MAP2K5: variants seen among roughly 807,000 people sequenced by gnomAD.
The protein encoded by MAP2K5 is dual specificity mitogen-activated protein kinase kinase 5.
Under a neutral mutation model 83.1 loss-of-function variants are expected in MAP2K5, and 49 were observed. The observed-to-expected ratio is 0.59, with a 90% CI of 0.47 to 0.75. The LOEUF (loss-of-function observed/expected upper bound fraction) is 0.75. MAP2K5 is among the 30% of genes least tolerant of loss of function. MAP2K5 has a pLI of 0.00. For synonymous variants in MAP2K5, 202 were observed against 191.8 expected, an observed-to-expected ratio of 1.05 and a Z score of -0.44; for missense variants, 457 against 557.5, an observed-to-expected ratio of 0.82 and a Z score of 1.82.
intron 12 of MAP2K5, among the ~76,000 whole-genome samples, chr15:67,663,409 G>C (rs957631122): frequency 3.9e-5 from 6 of 152,074 alleles, no homozygotes; most frequent in Non-Finnish European, 7.4e-5. Context: ...ACATTGCCCA[G>C]TACTTTGATT....
chr15:67,678,584 A>C (rs925990326), intron 13 of MAP2K5, among the ~76,000 whole-genome samples: 1 of 152,256 alleles, frequency 6.6e-6, no homozygotes, highest in Admixed American at 6.5e-5. Flanking sequence ...GGTCACAACA[A>C]AAAGGGAATC....
intron 8 of MAP2K5, among the ~76,000 whole-genome samples, chr15:67,615,450 T>C (rs2086035306): frequency 6.6e-6 from 1 of 152,202 alleles, no homozygotes; most frequent in African/African-American, 2.4e-5. Context: ...GGATTTCCTG[T>C]TTTAACAGCT....
In MAP2K5 at chr15:67,759,000, G is replaced by A. The variant is rs945936429; in HGVS notation, c.1134+10399G>A. On this transcript the variant is annotated intron_variant, in intron 19 of 21. Coordinates refer to ENST00000178640, the MANE Select transcript of MAP2K5 (RefSeq NM_145160.3). This position sits in a 1 kb window ranked among gnomAD's most constrained non-coding sequence, Gnocchi z 4.7. Reference sequence around the variant, plus strand: ...AGTTTTGCTGTCTATATGAATGACCGCACATCTTTCAGTTAATTGAATTCT... The same window carrying A: ...AGTTTTGCTGTCTATATGAATGACCACACATCTTTCAGTTAATTGAATTCT... Among the ~76,000 whole-genome samples the A allele has an allele frequency of 3.3e-5, 5 of 152,176 alleles. No individual in the cohort carries two copies. The highest frequency in any genetic ancestry group is 6.5e-5 in the Admixed American group (1 of 15,282).
At chr15:67,728,566 G>A (rs1022419684) in intron 17 of MAP2K5, among the ~76,000 whole-genome samples, 1 of 152,170 alleles carries the variant, frequency 6.6e-6, no homozygotes, top group East Asian at 1.9e-4. Context: ...GTTTGAAAAT[G>A]ATTCCCCAGT....
chr15:67,769,588 T>C lies in MAP2K5; in HGVS notation c.1135-14T>C. The C allele has an allele frequency of 6.2e-7, 1 of 1,613,396 alleles. No homozygotes were observed. On this transcript the variant is annotated splice_polypyrimidine_tract_variant and intron_variant, in intron 19 of 21. Transcript: ENST00000178640. This position sits in a 1 kb window ranked among gnomAD's most constrained non-coding sequence, Gnocchi z 5.2. ...TGTTGTGACTTTTGGTGACATGTTTTTCCTCCATCACAGGATTCGCCCGTC... is the reference window on the plus strand; with the variant it reads ...TGTTGTGACTTTTGGTGACATGTTTCTCCTCCATCACAGGATTCGCCCGTC...
rs544245462 is a variant in MAP2K5 at position 67,757,709 on chromosome 15, C to T, written c.1134+9108C>T. Among the ~76,000 whole-genome samples the T allele has an allele frequency of 4.6e-5, 7 of 151,996 alleles. No individual in the cohort carries two copies. Among genetic ancestry groups the T allele is most frequent in the East Asian group, 1.9e-4 (1 of 5,186 alleles). Reference sequence around the variant, plus strand: ...TAAACTGCAGGTAATGTAAGTGATACGAGACTTGATGGCCTGGGCTCTCGG... The same window carrying T: ...TAAACTGCAGGTAATGTAAGTGATATGAGACTTGATGGCCTGGGCTCTCGG... On this transcript the variant is annotated intron_variant, in intron 19 of 21. Transcript: ENST00000178640. This position sits in a 1 kb window ranked among gnomAD's most constrained non-coding sequence, Gnocchi z 4.9.
rs560601380 is a variant in MAP2K5 at position 67,690,830 on chromosome 15, G to C, written c.848-1649G>C. ...ATTACATGCGTGAGCCACTGCTCCC[G>C]GCCATGTATTAGTAAATTTAATGTA... On this transcript the variant is annotated intron_variant, in intron 13 of 21. Coordinates refer to ENST00000178640, the MANE Select transcript of MAP2K5 (RefSeq NM_145160.3). This position sits in a 1 kb window ranked among gnomAD's most constrained non-coding sequence, Gnocchi z 4.3. Among the ~76,000 whole-genome samples, 10 of 152,036 alleles carry C rather than the reference G, an allele frequency of 6.6e-5. No homozygotes were observed. The highest frequency in any genetic ancestry group is 1.0e-4 in the Non-Finnish European group (7 of 68,006).
Position 67,785,044 on chromosome 15 carries a change from ATCC to A in MAP2K5, c.1242+12297_1242+12299del, listed in dbSNP as rs1455350242. Among the ~76,000 whole-genome samples the A allele has an allele frequency of 6.6e-6, 1 of 152,100 alleles. No individual in the cohort carries two copies. Among genetic ancestry groups the A allele is most frequent in the African/African-American group, 2.4e-5 (1 of 41,412 alleles). On this transcript the variant is annotated intron_variant, in intron 21 of 21. Coordinates refer to ENST00000178640, the MANE Select transcript of MAP2K5 (RefSeq NM_145160.3). The surrounding 1 kb of genome is among the most constrained non-coding windows in gnomAD (Gnocchi z 4.4). ...AGCCTCAATCTCCCAGGCTCAGGTG[ATCC>A]TCCTACCTCAGCACCCGCCCTTCCT...
In MAP2K5 at chr15:67,690,619, T is replaced by C. The variant is rs2088083386; in HGVS notation, c.848-1860T>C. Among the ~76,000 whole-genome samples the C allele has an allele frequency of 1.3e-5, 2 of 151,724 alleles. No individual in the cohort carries two copies. Among genetic ancestry groups the C allele is most frequent in the Admixed American group, 1.3e-4 (2 of 15,228 alleles). Reference sequence around the variant, plus strand: ...CACCATCTCAGCTCACTGCAACCTCTGTTTCCCAGGTTGAAGCAATTCTCC... The same window carrying C: ...CACCATCTCAGCTCACTGCAACCTCCGTTTCCCAGGTTGAAGCAATTCTCC... On this transcript the variant is annotated intron_variant, in intron 13 of 21. Transcript: ENST00000178640. The surrounding 1 kb of genome is among the most constrained non-coding windows in gnomAD (Gnocchi z 4.3).
Position 67,738,502 on chromosome 15 carries a change from T to C in MAP2K5, c.1075-9729T>C, listed in dbSNP as rs1013761709. Among the ~76,000 whole-genome samples the C allele has an allele frequency of 1.3e-5, 2 of 152,212 alleles. No individual in the cohort carries two copies. Among genetic ancestry groups the C allele is most frequent in the Non-Finnish European group, 2.9e-5 (2 of 68,032 alleles). On this transcript the variant is annotated intron_variant, in intron 17 of 21. Transcript: ENST00000178640. The surrounding 1 kb of genome is among the most constrained non-coding windows in gnomAD (Gnocchi z 4.1). ...GACAAATTAAGTCACTGACAGTATA[T>C]GATTTCTACCCAAACATACGCACAG... is the stretch of plus-strand genomic sequence containing the variant.
intron 1 of MAP2K5, chr15:67,549,337 A>G (rs1017766347): frequency 6.8e-5 from 52 of 761,470 alleles, no homozygotes; most frequent in Non-Finnish European, 1.1e-4. Flanking sequence ...TGTAGGCTAG[A>G]TTAACTTTAT....
chr15:67,650,920 A>T (rs536244695), intron 11 of MAP2K5, among the ~76,000 whole-genome samples: 27 of 152,250 alleles, frequency 1.8e-4, no homozygotes, highest in Non-Finnish European at 2.6e-4. Flanking sequence ...TTCTTTTTTT[A>T]AAACATTTTA....
chr15:67,771,731 T>G (rs2090146074), intron 20 of MAP2K5, among the ~76,000 whole-genome samples: 1 of 152,242 alleles, frequency 6.6e-6, no homozygotes, highest in Non-Finnish European at 1.5e-5. Flanking sequence ...CTCCGATTCT[T>G]GTTTACCAAA....
chr15:67,748,650 T>A lies in MAP2K5; in HGVS notation c.1134+49T>A. On this transcript the variant is annotated intron_variant, in intron 19 of 21. Transcript: ENST00000178640. The surrounding 1 kb of genome is among the most constrained non-coding windows in gnomAD (Gnocchi z 4.0). Reference sequence around the variant, plus strand: ...TCACTCCTAAAGTCATTCCTAATGGTGTGGAAAGCTTATATTTTGTTTCCT... The same window carrying A: ...TCACTCCTAAAGTCATTCCTAATGGAGTGGAAAGCTTATATTTTGTTTCCT... 5.1e-6 allele frequency: 8 copies of A among 1,567,536 alleles called. No homozygotes were observed. The highest frequency in any genetic ancestry group is 7.0e-6 in the Non-Finnish European group (8 of 1,141,720).
At position 67,703,423 on chromosome 15, in the gene MAP2K5, CAT is replaced by C. The variant is rs111270466; in HGVS notation, c.1044+17_1044+18del. ...CTTTTATGGAGGTACGTTGTTTGCA[CAT>C]AGACGCTTCTGTGCATATCTGTACT... On this transcript the variant is annotated intron_variant, in intron 16 of 21. Coordinates refer to ENST00000178640, the MANE Select transcript of MAP2K5 (RefSeq NM_145160.3). The C allele has an allele frequency of 3.4e-4, 541 of 1,602,104 alleles. 2 individuals are homozygous for C. The African/African-American group carries it at 6.5e-3, about 19-fold the overall frequency.
At position 67,792,199 on chromosome 15, in the gene MAP2K5, C is replaced by T. The variant is rs34730169; in HGVS notation, c.1243-14447C>T. ...TCTGGTGGAAAGAAAAAAACTAGGA[C>T]GTTGCTAAGACCCTCCTGCAAAAGA... On this transcript the variant is annotated intron_variant, in intron 21 of 21. Coordinates refer to ENST00000178640, the MANE Select transcript of MAP2K5 (RefSeq NM_145160.3). 7.8e-3 allele frequency among the ~76,000 whole-genome samples: 1,181 copies of T among 152,302 alleles called. 16 individuals carry two copies. Among genetic ancestry groups the T allele is most frequent in the South Asian group, 0.031 (152 of 4,828 alleles).
chr15:67,570,414 A>C (rs949782196), intron 3 of MAP2K5, among the ~76,000 whole-genome samples: 5 of 152,218 alleles, frequency 3.3e-5, no homozygotes, highest in Non-Finnish European at 1.5e-5. Context: ...ACCCTCGGTC[A>C]AGTCTTTTAA....
At chr15:67,795,761 G>A (rs2090594418) in intron 21 of MAP2K5, among the ~76,000 whole-genome samples, 1 of 152,088 alleles carries the variant, frequency 6.6e-6, no homozygotes, top group Admixed American at 6.6e-5. Flanking sequence ...ATATTTCGTG[G>A]CTGTACTAAT....
chr15:67,588,457 A>G (rs1378598733), intron 6 of MAP2K5, among the ~76,000 whole-genome samples: 1 of 152,128 alleles, frequency 6.6e-6, no homozygotes, highest in Non-Finnish European at 1.5e-5. Flanking sequence ...TCTTCCTTGT[A>G]TTGTAGTAGT....
Sources: gnomAD v4.1 joint callset for allele counts (sites outside exome capture counted in the v4.1 genomes callset) on GRCh38, gnomAD v4.1.1 for gene constraint, Gnocchi (gnomAD v3.1) non-coding constraint, MANE v1.5 for transcripts, NCBI Gene and HGNC (gene_info 2026-07-23, HGNC 2026-07-21) for gene names.